Variants in ARSG observed in about 807,000 individuals in gnomAD.
ARSG encodes ASG.
ARSG carries 37 observed loss-of-function variants against 50.5 expected under a neutral mutation model. The ratio of observed to expected loss-of-function variants is 0.73; its 90% CI spans 0.56 to 0.96. The LOEUF is 0.96. Among genes scored for constraint, ARSG ranks in the 50% least tolerant of loss-of-function variants. ARSG has a pLI of 0.00. For synonymous variants in ARSG, 225 were observed against 254.6 expected, an observed-to-expected ratio of 0.88 and a Z score of 1.11; for missense variants, 629 against 675.3, an observed-to-expected ratio of 0.93 and a Z score of 0.76.
At chr17:68,383,097 A>C (rs558298044) in intron 8 of ARSG, among the ~76,000 whole-genome samples, 1 of 152,344 alleles carries the variant, frequency 6.6e-6, no homozygotes, top group East Asian at 1.9e-4. Context: ...TTGCTGAAAT[A>C]AGACAAGCAC....
intron 1 of ARSG, among the ~76,000 whole-genome samples, chr17:68,294,417 G>T (rs2076134330): frequency 6.6e-6 from 1 of 152,128 alleles, no homozygotes; most frequent in Non-Finnish European, 1.5e-5. Flanking sequence ...TATGACCCTG[G>T]CTTGCAAATA....
intron 8 of ARSG, among the ~76,000 whole-genome samples, chr17:68,370,743 C>G (rs893519242): frequency 4.6e-5 from 7 of 152,174 alleles, no homozygotes; most frequent in Admixed American, 3.3e-4. Context: ...CCCTGTCTCT[C>G]CTTTCCTCCT....
the ARSG span, chr17:68,433,697 C>A: frequency 1.7e-6 from 1 of 580,904 alleles, no homozygotes; most frequent in Non-Finnish European, 3.0e-6. Flanking sequence ...AGACCCAGAT[C>A]CCTTAAACAC....
chr17:68,309,754 G>A (rs1237698448), intron 2 of ARSG, among the ~76,000 whole-genome samples: 1 of 151,790 alleles, frequency 6.6e-6, no homozygotes, highest in Non-Finnish European at 1.5e-5. Flanking sequence ...AGCTACTCGG[G>A]AGGCTGAGGC....
chr17:68,392,240 T>A (rs1342499369), intron 9 of ARSG, among the ~76,000 whole-genome samples: 1 of 152,204 alleles, frequency 6.6e-6, no homozygotes, highest in Non-Finnish European at 1.5e-5. Flanking sequence ...GGCCATCATA[T>A]AAACGGCTCT....
intron 2 of ARSG, among the ~76,000 whole-genome samples, chr17:68,331,434 C>T (rs977163076): frequency 5.3e-5 from 8 of 151,988 alleles, no homozygotes; most frequent in Admixed American, 1.3e-4. Flanking sequence ...TTAGTAGAGA[C>T]GGGGTTTCAC....
intron 2 of ARSG, among the ~76,000 whole-genome samples, chr17:68,323,001 C>T (rs1555771133): frequency 2.0e-5 from 3 of 152,030 alleles, no homozygotes; most frequent in South Asian, 4.2e-4. Context: ...TAGCAAGACC[C>T]CATCTCTACA....
chr17:68,374,526 G>A (rs2080046294), intron 8 of ARSG, among the ~76,000 whole-genome samples: 1 of 152,106 alleles, frequency 6.6e-6, no homozygotes, highest in Non-Finnish European at 1.5e-5. Context: ...TGTGGACTGG[G>A]ACCCCATTCT....
chr17:68,428,580 G>C, the ARSG span: 2 of 420,154 alleles, frequency 4.8e-6, no homozygotes, highest in African/African-American at 2.0e-5. Flanking sequence ...GCTGTGTTAG[G>C]AGCATAGGCT....
intron 2 of ARSG, among the ~76,000 whole-genome samples, chr17:68,309,225 C>T (rs534850302): frequency 5.3e-5 from 8 of 152,250 alleles, no homozygotes; most frequent in Admixed American, 1.3e-4. Context: ...GCCAAGCCCA[C>T]GCCCACCCGG....
chr17:68,328,334 A>G (rs1374654113), intron 2 of ARSG, among the ~76,000 whole-genome samples: 1 of 152,136 alleles, frequency 6.6e-6, no homozygotes, highest in African/African-American at 2.4e-5. Context: ...GAATTCTTCA[A>G]ATAACTTGAT....
chr17:68,345,037 A>G (rs2078443248), intron 3 of ARSG, among the ~76,000 whole-genome samples: 1 of 152,198 alleles, frequency 6.6e-6, no homozygotes. Context: ...AATTAAGGTC[A>G]CACACTTCTC....
intron 11 of ARSG, chr17:68,414,122 G>C (rs1004923650): frequency 6.5e-6 from 1 of 154,586 alleles, no homozygotes; most frequent in Non-Finnish European, 1.4e-5. Flanking sequence ...GTTCCTATTC[G>C]GCTATCTTGG....
chr17:68,332,974 A>G (rs1290062546), intron 2 of ARSG, among the ~76,000 whole-genome samples: 1 of 152,224 alleles, frequency 6.6e-6, no homozygotes, highest in Admixed American at 6.5e-5. Context: ...TGCTTGGAAA[A>G]GTGCCTGGAT....
chr17:68,286,898 A>C (rs1416498569), upstream of ARSG, among the ~76,000 whole-genome samples: 1 of 152,260 alleles, frequency 6.6e-6, no homozygotes, highest in Non-Finnish European at 1.5e-5. Flanking sequence ...TAAATGCTAG[A>C]TGGTTCTTGC....
chr17:68,331,404 C>T (rs998367273), intron 2 of ARSG, among the ~76,000 whole-genome samples: 8 of 152,060 alleles, frequency 5.3e-5, no homozygotes, highest in Admixed American at 3.3e-4. Context: ...ACCAGCTTGC[C>T]TGGCTAATTT....
intron 5 of ARSG, among the ~76,000 whole-genome samples, chr17:68,355,963 C>A (rs2079014349): frequency 6.6e-6 from 1 of 152,000 alleles, no homozygotes; most frequent in African/African-American, 2.4e-5. Flanking sequence ...TTCACTGCAA[C>A]CTCCGCCTCC....
At chr17:68,315,094 G>A (rs2077019608) in intron 2 of ARSG, among the ~76,000 whole-genome samples, 1 of 152,194 alleles carries the variant, frequency 6.6e-6, no homozygotes, top group African/African-American at 2.4e-5. Context: ...AGGAAATTGA[G>A]GTTAAGTAAC....
At chr17:68,347,928 A>G (rs1054197926) in intron 4 of ARSG, among the ~76,000 whole-genome samples, 3 of 151,968 alleles carry the variant, frequency 2.0e-5, no homozygotes, top group African/African-American at 4.8e-5. Flanking sequence ...ATCTCTCCCT[A>G]TCTCTATGGA....
Sources: gnomAD v4.1 joint callset for allele counts (sites outside exome capture counted in the v4.1 genomes callset) on GRCh38, gnomAD v4.1.1 for gene constraint, MANE v1.5 for transcripts, NCBI Gene and HGNC (gene_info 2026-07-23, HGNC 2026-07-21) for gene names.